INTS4: variants seen among roughly 807,000 people sequenced by gnomAD.
INTS4 encodes integrator complex subunit 4.
In INTS4, 70 loss-of-function variants were observed where a neutral mutation model predicts 119.5. That is an observed-to-expected ratio of 0.59 (90% CI 0.48 to 0.71). The LOEUF (loss-of-function observed/expected upper bound fraction) is 0.71. Ranked by LOEUF, INTS4 falls within the 30% of genes least tolerant of loss-of-function variation. The pLI is 0.00. For synonymous variants in INTS4, 316 were observed against 419.6 expected (o/e 0.75, Z 3.02); for missense variants, 867 against 1,173.2 (o/e 0.74, Z 3.81).
chr11:77,982,659 TC>T (rs1206659324), intron 2 of INTS4, among the ~76,000 whole-genome samples: 3 of 152,192 alleles, frequency 2.0e-5, no homozygotes, highest in Admixed American at 6.5e-5. Flanking sequence ...GCTCTCTTGT[TC>T]ACTGCCATAT....
intron 7 of INTS4, among the ~76,000 whole-genome samples, chr11:77,957,663 CTTTTTTTTTTT>C (rs1159914263): frequency 1.8e-5 from 2 of 110,706 alleles, no homozygotes; most frequent in East Asian, 2.6e-4. Flanking sequence ...AACTGAACTT[CTTTTTTTTTTT>C]TTTTTTTTTT....
rs1375844511 is a variant in INTS4, at chr11:77,960,470, T to C, written c.658-79A>G. On this transcript the variant is annotated intron_variant, in intron 5 of 22. Transcript: ENST00000534064. ...AATGTCTCCCCACAATCTCACATAT[T>C]TTCCCCTATTGTATCAGGCTAACAT... 1.0e-5 allele frequency: 11 copies of C among 1,091,226 alleles called. No individual in the cohort carries two copies. The East Asian group carries it at 2.6e-4, about 26-fold the overall frequency. 67.6% of individuals were successfully genotyped at this position (1,091,226 alleles called of 1,614,324 possible).
In INTS4 at chr11:77,941,124, T is replaced by G. The variant is rs1182065505; in HGVS notation, c.990+56A>C. On this transcript the variant is annotated intron_variant, in intron 9 of 22. Transcript: ENST00000534064. ...GTTAAATCAACACAACTCAGCATAC[T>G]GCCCCACTACATTGGTTACAGAAAC... The G allele has an allele frequency of 1.9e-6, 3 of 1,595,364 alleles. No homozygotes were observed. The East Asian group carries it at 6.7e-5, about 36-fold the overall frequency.
chr11:77,935,712 A>G (rs1025207295), intron 10 of INTS4, among the ~76,000 whole-genome samples: 2 of 151,990 alleles, frequency 1.3e-5, no homozygotes, highest in African/African-American at 4.8e-5. Flanking sequence ...CCTGGGCAAC[A>G]TGGCAAAACC....
At position 77,979,067 on chromosome 11, in the gene INTS4, A is replaced by C; in HGVS notation, c.400T>G (p.Leu134Val). The C allele has an allele frequency of 1.2e-6, 2 of 1,613,042 alleles. No homozygotes were observed. Among genetic ancestry groups the C allele is most frequent in the Non-Finnish European group, 8.5e-7 (1 of 1,179,192 alleles). The change falls in exon 4 of 23, where the codon TTG (leucine) becomes GTG (valine). Residue 134 changes from leucine (L) to valine (V), a missense_variant. This residue lies in a region of INTS4 where 224 missense variants were observed against 231.8 expected (regional missense o/e 0.97). Transcript: ENST00000534064. ...HQVLAQLLDT[L>V]LAIGTKLPEN... ...GGTAGCTTAGTGCCAATTGCAAGCA[A>C]AGTATCCAGCAGTTGAGCTAGGACT...
At chr11:77,882,248 G>A (rs987364479) in intron 22 of INTS4, among the ~76,000 whole-genome samples, 3 of 152,104 alleles carry the variant, frequency 2.0e-5, no homozygotes, top group Non-Finnish European at 4.4e-5. Context: ...GCTCAGGATC[G>A]CCTGGCAATA....
chr11:77,878,746 A>C lies in INTS4; in HGVS notation c.*203T>G. ...TGGTGTTTTCTCAACTTTATTGTGG[A>C]CAGGAGAAGGGTAAGTAGACTTGAA... On this transcript the variant is annotated 3_prime_UTR_variant, in exon 23 of 23. Transcript: ENST00000534064. 1 of 695,792 alleles carries C rather than the reference A, an allele frequency of 1.4e-6. No individual in the cohort carries two copies. The highest frequency in any genetic ancestry group is 2.6e-6 in the Non-Finnish European group (1 of 383,816). 43.1% of individuals were successfully genotyped at this position (695,792 alleles called of 1,614,324 possible). A position where few individuals can be genotyped will look rare whatever the true frequency, so the allele number is the denominator to read the frequency against.
chr11:77,992,187 C>T (rs536394160), intron 1 of INTS4, among the ~76,000 whole-genome samples: 1 of 152,090 alleles, frequency 6.6e-6, no homozygotes, highest in South Asian at 2.1e-4. Flanking sequence ...CACTTGAGGC[C>T]AGGAGTTCAA....
At chr11:77,993,281 A>C (rs1398535882) in intron 1 of INTS4, among the ~76,000 whole-genome samples, 1 of 152,236 alleles carries the variant, frequency 6.6e-6, no homozygotes, top group Admixed American at 6.5e-5. Flanking sequence ...GTACCACAGA[A>C]TGCTACAGAA....
intron 4 of INTS4, among the ~76,000 whole-genome samples, chr11:77,970,077 T>C (rs1855661877): frequency 6.6e-6 from 1 of 152,118 alleles, no homozygotes; most frequent in African/African-American, 2.4e-5. Flanking sequence ...GCTCCCACCT[T>C]TGACTATTAT....
chr11:77,875,265 C>T (rs1336969279), downstream of INTS4, among the ~76,000 whole-genome samples: 1 of 152,158 alleles, frequency 6.6e-6, no homozygotes, highest in Admixed American at 6.5e-5. Context: ...GGGCATACAG[C>T]ACAGACATTC....
rs572494754 is a variant in INTS4, at chr11:77,879,964, C to G, written c.2714-837G>C. 3.3e-5 allele frequency among the ~76,000 whole-genome samples: 5 copies of G among 152,270 alleles called. No homozygotes were observed. The South Asian group carries it at 1.0e-3, about 32-fold the overall frequency. On this transcript the variant is annotated intron_variant, in intron 22 of 22. Coordinates refer to ENST00000534064, the MANE Select transcript of INTS4 (RefSeq NM_033547.4). The stretch of plus-strand genomic sequence containing the variant: ...AAATCCCAAGAATCAGATAGGTTCT[C>G]AGAGACTCCCCAGATGCACACCTGG...
At chr11:77,974,255 T>G (rs1369791723) in intron 4 of INTS4, among the ~76,000 whole-genome samples, 4 of 136,504 alleles carry the variant, frequency 2.9e-5, no homozygotes, top group African/African-American at 1.1e-4. Context: ...TTTTTTTTTT[T>G]TTTTTGAGAT....
intron 22 of INTS4, among the ~76,000 whole-genome samples, chr11:77,883,529 G>A (rs1951873748): frequency 6.6e-6 from 1 of 152,126 alleles, no homozygotes; most frequent in South Asian, 2.1e-4. Flanking sequence ...TGGCAGTTAG[G>A]ATAAGAATAA....
At chr11:77,880,960 CAAAT>C (rs973852483) in intron 22 of INTS4, among the ~76,000 whole-genome samples, 5 of 151,608 alleles carry the variant, frequency 3.3e-5, no homozygotes, top group African/African-American at 1.2e-4. Flanking sequence ...AACAAAAAAA[CAAAT>C]AAATCCTGCT....
chr11:77,901,562 A>G lies in INTS4; in HGVS notation c.2098-11T>C, dbSNP rs1952778132. 2 of 1,581,454 alleles carry G rather than the reference A, an allele frequency of 1.3e-6. No homozygotes were observed. Among genetic ancestry groups the G allele is most frequent in the South Asian group, 2.2e-5 (2 of 90,206 alleles). ...GGTCTCTTCCATAATCTATAAAGGA[A>G]AGATAATTAACAATCAATAAAAATA... is the stretch of plus-strand genomic sequence containing the variant. On this transcript the variant is annotated splice_polypyrimidine_tract_variant and intron_variant, in intron 17 of 22. Coordinates refer to ENST00000534064, the MANE Select transcript of INTS4 (RefSeq NM_033547.4).
intron 11 of INTS4, among the ~76,000 whole-genome samples, chr11:77,927,873 C>A (rs921701969): frequency 6.6e-6 from 1 of 152,160 alleles, no homozygotes; most frequent in Non-Finnish European, 1.5e-5. Flanking sequence ...TTGAATATAT[C>A]ATATTCTGTC....
intron 21 of INTS4, among the ~76,000 whole-genome samples, chr11:77,889,384 C>T (rs1208075098): frequency 4.7e-5 from 4 of 84,280 alleles, no homozygotes; most frequent in African/African-American, 1.4e-4. Context: ...CATCACACCC[C>T]GGGGACTGTT....
intron 10 of INTS4, among the ~76,000 whole-genome samples, chr11:77,937,174 C>T (rs59622740): frequency 1.3e-5 from 2 of 151,194 alleles, no homozygotes; most frequent in African/African-American, 2.4e-5. Context: ...CCCCGCCACA[C>T]CCCCCGAAAA....
Sources: allele counts gnomAD v4.1 joint callset (sites outside exome capture counted in the v4.1 genomes callset), GRCh38; gene constraint gnomAD v4.1.1; regional missense constraint gnomAD v4.1.1; transcripts MANE v1.5; gene names NCBI Gene and HGNC (gene_info 2026-07-23, HGNC 2026-07-21).